The following ATM variants were observed in gnomAD, a reference collection of about 807,000 sequenced individuals.
ATM encodes ATM serine/threonine kinase, also known as serine-protein kinase ATM.
ATM carries 308 observed loss-of-function variants against 387.0 expected under a neutral mutation model. The ratio of observed to expected loss-of-function variants is 0.80; its 90% CI spans 0.73 to 0.87. The LOEUF is 0.87. ATM is among the 40% of genes least tolerant of loss of function. The pLI is 0.00. For synonymous variants in ATM, 1,156 were observed against 1,187.3 expected, an observed-to-expected ratio of 0.97 and a Z score of 0.54; for missense variants, 3,312 against 3,560.9, an observed-to-expected ratio of 0.93 and a Z score of 1.78.
intron 61 of ATM, among the ~76,000 whole-genome samples, chr11:108,364,406 A>G (rs2091117877): frequency 6.6e-6 from 1 of 152,192 alleles, no homozygotes; most frequent in Non-Finnish European, 1.5e-5. Flanking sequence ...CTCACTTTCT[A>G]AAATTTACGA....
In ATM at chr11:108,345,873, T is replaced by G; in HGVS notation, c.8549T>G (p.Leu2850Trp). ...CCAGCTATTTGGTTTGAGAAGCGAT[T>G]GGCTTATACGCGCAGTGTAGCTACT... ...LDPAIWFEKR[L>W]AYTRSVATSS... is the part of the protein sequence containing the mutation. Residue 2850 changes from leucine to tryptophan, a missense_variant, in exon 58 of 63, where the codon TTG becomes TGG. Coordinates refer to ENST00000675843, the MANE Select transcript of ATM (RefSeq NM_000051.4). 1 of 1,613,888 alleles carries G rather than the reference T, an allele frequency of 6.2e-7. No homozygotes were observed. The highest frequency in any genetic ancestry group is 8.5e-7 in the Non-Finnish European group (1 of 1,179,838).
At chr11:108,233,230 A>G (rs1421077501) in intron 4 of ATM, among the ~76,000 whole-genome samples, 2 of 152,128 alleles carry the variant, frequency 1.3e-5, no homozygotes, top group African/African-American at 4.8e-5. Flanking sequence ...GATAGTGCAA[A>G]ACTCAGCTGC....
intron 43 of ATM, 48 bp from the exon 44 acceptor site, chr11:108,319,906 T>G (rs1392379931): frequency 3.7e-6 from 5 of 1,344,442 alleles, no homozygotes; most frequent in Non-Finnish European, 5.3e-6. Context: ...CATGTATATC[T>G]TAGGGTTCTG....
intron 22 of ATM, among the ~76,000 whole-genome samples, chr11:108,277,320 G>A (rs1027187370): frequency 1.3e-5 from 2 of 152,168 alleles, no homozygotes; most frequent in African/African-American, 2.4e-5. Flanking sequence ...GGTGGGATCC[G>A]CTGAGCTAGA....
chr11:108,243,888 T>C, intron 5 of ATM, 65 bp from the exon 6 acceptor site: 1 of 1,384,998 alleles, frequency 7.2e-7, no homozygotes, highest in Non-Finnish European at 9.8e-7. Context: ...TTAAGTTAAA[T>C]TGTAACATTT....
At chr11:108,226,582 T>C (rs959338735) in intron 1 of ATM, 1 of 152,250 alleles carries the variant, frequency 6.6e-6, no homozygotes, top group African/African-American at 2.4e-5. Context: ...AGAACCTTAA[T>C]ACCAGTTGAG....
At chr11:108,266,362 A>C (rs1454918894) in intron 16 of ATM, among the ~76,000 whole-genome samples, 1 of 151,816 alleles carries the variant, frequency 6.6e-6, no homozygotes, top group Non-Finnish European at 1.5e-5. Context: ...GGAAATCATC[A>C]TTCTCAGTAA....
chr11:108,365,324 G>A lies in ATM; in HGVS notation c.8988-1G>A, dbSNP rs730881386. The stretch of plus-strand genomic sequence containing the variant: ...TGAAACCTTTGTGTTTTTGTCCTTA[G>A]TGATATTGACCAGAGTTTCAACAAA... On this transcript the variant is annotated splice_acceptor_variant, in intron 62 of 62. Coordinates refer to ENST00000675843, the MANE Select transcript of ATM (RefSeq NM_000051.4). LOFTEE classifies it high-confidence loss of function. 2 of 1,614,166 alleles carry A rather than the reference G, an allele frequency of 1.2e-6. No homozygotes were observed. Among genetic ancestry groups the A allele is most frequent in the Non-Finnish European group, 1.7e-6 (2 of 1,180,014 alleles).
In ATM at chr11:108,227,906, A is replaced by G. The variant is rs757316816; in HGVS notation, c.185+18A>G. 1 of 1,568,546 alleles carries G rather than the reference A, an allele frequency of 6.4e-7. No individual in the cohort carries two copies. Among genetic ancestry groups the G allele is most frequent in the South Asian group, 1.1e-5 (1 of 88,618 alleles). ...GTTTTTAGGTATTCTATTCAAATTT[A>G]TTTTACTGTCTTTATTTTTCTCTTT... On this transcript the variant is annotated intron_variant, in intron 3 of 62. Transcript: ENST00000675843.
At position 108,332,582 on chromosome 11, in the gene ATM, C is replaced by T. The variant is rs529788128; in HGVS notation, c.7789-180C>T. Among the ~76,000 whole-genome samples the T allele has an allele frequency of 3.3e-5, 5 of 152,200 alleles. No homozygotes were observed. The South Asian group carries it at 6.2e-4, about 19-fold the overall frequency. ...TTTTGAAAGGCACCTAAGTCATTGA[C>T]GAGAGTATGTATCTTTGATGTATTT... is the stretch of plus-strand genomic sequence containing the variant. On this transcript the variant is annotated intron_variant, in intron 52 of 62. Coordinates refer to ENST00000675843, the MANE Select transcript of ATM (RefSeq NM_000051.4).
chr11:108,341,039 A>G (rs2087497697), intron 56 of ATM, among the ~76,000 whole-genome samples: 1 of 152,062 alleles, frequency 6.6e-6, no homozygotes, highest in East Asian at 1.9e-4. Flanking sequence ...ATGAGTTCAC[A>G]TTATCCCTGA....
At chr11:108,296,416 A>G (rs1170378932) in intron 32 of ATM, among the ~76,000 whole-genome samples, 1 of 151,750 alleles carries the variant, frequency 6.6e-6, no homozygotes, top group African/African-American at 2.4e-5. Flanking sequence ...ATGCCCAGCT[A>G]ATTTTTTGTA....
At chr11:108,227,724 C>T (rs2135008183) in intron 2 of ATM, 28 bp downstream of exon 2, 2 of 1,588,800 alleles carry the variant, frequency 1.3e-6, no homozygotes, top group South Asian at 1.1e-5. Context: ...TTCAATTTTT[C>T]CTTGAAATAA....
intron 5 of ATM, among the ~76,000 whole-genome samples, chr11:108,237,277 G>T (rs1184843113): frequency 6.6e-5 from 10 of 152,146 alleles, no homozygotes; most frequent in Admixed American, 6.6e-4. Context: ...ATAGGCTGGT[G>T]ATATCTAGGT....
intron 45 of ATM, among the ~76,000 whole-genome samples, chr11:108,322,241 A>G (rs1591112795): frequency 6.6e-6 from 1 of 151,484 alleles, no homozygotes; most frequent in Admixed American, 6.6e-5. Flanking sequence ...TGCAGTCTCC[A>G]CCTCCCAGGT....
rs766342338 is a variant in ATM, at chr11:108,272,767, G to C, written c.3199G>C (p.Asp1067His). ...GGCCATTCTTAATGTAATGGGAAAA[G>C]ACTTTCCTGTAAATGAAGTATTTAC... Reference protein sequence around the residue: ...KWAILNVMGKDFPVNEVFTQF... With the variant: ...KWAILNVMGKHFPVNEVFTQF... Residue 1067 changes from aspartate (D) to histidine (H), a missense_variant, in exon 22 of 63, where the codon GAC (aspartate) becomes CAC (histidine). This residue lies in a region of ATM where 1,791 missense variants were observed against 1,804.5 expected (regional missense o/e 0.99). Coordinates refer to ENST00000675843, the MANE Select transcript of ATM (RefSeq NM_000051.4). 1.2e-6 allele frequency: 2 copies of C among 1,614,022 alleles called. No homozygotes were observed. Among genetic ancestry groups the C allele is most frequent in the African/African-American group, 1.3e-5 (1 of 75,038 alleles).
chr11:108,337,370 A>G (rs2086963940), intron 56 of ATM, among the ~76,000 whole-genome samples: 1 of 152,218 alleles, frequency 6.6e-6, no homozygotes, highest in African/African-American at 2.4e-5. Context: ...ATGAATGCAA[A>G]AAGCAAAAGT....
rs553432908 is a variant in ATM at position 108,264,245 on chromosome 11, A to G, written c.2467-2926A>G. ...CAAAAATCCTCAATAAAATACTGGC[A>G]AACTGAATCCAGCAGCACATCAAAA... On this transcript the variant is annotated intron_variant, in intron 16 of 62. Coordinates refer to ENST00000675843, the MANE Select transcript of ATM (RefSeq NM_000051.4). 1.6e-3 allele frequency among the ~76,000 whole-genome samples: 243 copies of G among 152,138 alleles called. 8 individuals are homozygous for G. The highest frequency in any genetic ancestry group is 0.016 in the Admixed American group (238 of 15,276).
chr11:108,274,993 G>T (rs1168281555), intron 22 of ATM, among the ~76,000 whole-genome samples: 1 of 152,166 alleles, frequency 6.6e-6, no homozygotes, highest in East Asian at 1.9e-4. Flanking sequence ...CTATTATTGT[G>T]TGGAAGTCTA....
Sources: gnomAD v4.1 joint callset for allele counts (sites outside exome capture counted in the v4.1 genomes callset) on GRCh38, gnomAD v4.1.1 for gene constraint, gnomAD v4.1.1 regional missense constraint, MANE v1.5 for transcripts, NCBI Gene and HGNC (gene_info 2026-07-23, HGNC 2026-07-21) for gene names.